Variants in CATSPERT observed in about 807,000 individuals in gnomAD.
The protein encoded by CATSPERT is catsper channel auxiliary subunit tau, also known as cation channel sperm-associated targeting subunit tau.
At chr2:201,604,621 A>G in the CATSPERT span, 1 of 1,595,932 alleles carries the variant, frequency 6.3e-7, no homozygotes, top group East Asian at 2.3e-5. Context: ...CACATCCCCA[A>G]ATGGCACCAA....
chr2:201,499,318 G>A, the CATSPERT span, among the ~76,000 whole-genome samples: 1 of 152,150 alleles, frequency 6.6e-6, no homozygotes, highest in Non-Finnish European at 1.5e-5. Context: ...CTCTTTAGCT[G>A]TATGATAATT....
the CATSPERT span, among the ~76,000 whole-genome samples, chr2:201,533,724 T>C: frequency 2.0e-5 from 3 of 152,276 alleles, no homozygotes; most frequent in Admixed American, 6.5e-5. Flanking sequence ...ACTTAGTTAA[T>C]CTCCAAATAT....
the CATSPERT span, chr2:201,551,118 G>A: frequency 6.6e-6 from 1 of 152,104 alleles, no homozygotes; most frequent in South Asian, 2.1e-4. Flanking sequence ...TAAATATATT[G>A]GAAAATTGTT....
At chr2:201,536,287 T>C in the CATSPERT span, 1 of 1,606,116 alleles carries the variant, frequency 6.2e-7, no homozygotes, top group Non-Finnish European at 8.5e-7. Flanking sequence ...AAAGTTGGTA[T>C]AGTCAGGCCT....
chr2:201,571,212 C>T, the CATSPERT span, among the ~76,000 whole-genome samples: 1 of 152,084 alleles, frequency 6.6e-6, no homozygotes, highest in Non-Finnish European at 1.5e-5. Context: ...CAACAAATCA[C>T]CAATATCAAA....
chr2:201,513,255 C>G, the CATSPERT span, among the ~76,000 whole-genome samples: 2 of 151,898 alleles, frequency 1.3e-5, no homozygotes, highest in Non-Finnish European at 2.9e-5. Flanking sequence ...AAAACAATCT[C>G]ATAAAAAGTG....
chr2:201,494,233 C>G, the CATSPERT span: 2 of 1,536,588 alleles, frequency 1.3e-6, no homozygotes, highest in Non-Finnish European at 1.7e-6. Context: ...ACTTTTCTCT[C>G]TTGCTTCACT....
At chr2:201,496,563 G>A in the CATSPERT span, among the ~76,000 whole-genome samples, 2 of 152,140 alleles carry the variant, frequency 1.3e-5, no homozygotes, top group Non-Finnish European at 2.9e-5. Context: ...GGCTGGTCTC[G>A]AACTCCTGAC....
At chr2:201,571,794 T>TA in the CATSPERT span, 3 of 619,020 alleles carry the variant, frequency 4.8e-6, no homozygotes, top group Non-Finnish European at 8.4e-6. Context: ...AACAATTCAC[T>TA]ACTCTCTTCA....
the CATSPERT span, among the ~76,000 whole-genome samples, chr2:201,600,720 C>T: frequency 5.3e-4 from 80 of 151,232 alleles, no homozygotes; most frequent in African/African-American, 1.9e-3. Context: ...TTGGACAAAT[C>T]GATGAATCCT....
chr2:201,554,074 T>C, the CATSPERT span: 1 of 152,216 alleles, frequency 6.6e-6, no homozygotes, highest in African/African-American at 2.4e-5. Context: ...TTCTGACTCA[T>C]ATGGTAAGCA....
chr2:201,545,512 T>C, the CATSPERT span: 1 of 1,303,676 alleles, frequency 7.7e-7, no homozygotes. Flanking sequence ...TCAATTATCT[T>C]AATAATAAAA....
chr2:201,587,579 T>C, the CATSPERT span, among the ~76,000 whole-genome samples: 1 of 152,174 alleles, frequency 6.6e-6, no homozygotes, highest in African/African-American at 2.4e-5. Context: ...GAATGTAATG[T>C]GTTTTTCCCT....
chr2:201,491,434 C>G, the CATSPERT span: 1 of 1,537,140 alleles, frequency 6.5e-7, no homozygotes, highest in Non-Finnish European at 8.7e-7. Context: ...GAACTTGGCA[C>G]ATTTTTCACT....
At chr2:201,596,356 A>G in the CATSPERT span, among the ~76,000 whole-genome samples, 2 of 152,342 alleles carry the variant, frequency 1.3e-5, no homozygotes, top group South Asian at 4.1e-4. Flanking sequence ...GTTCTCACTT[A>G]TAGGTGGGAG....
the CATSPERT span, among the ~76,000 whole-genome samples, chr2:201,558,697 G>T: frequency 6.6e-6 from 1 of 152,158 alleles, no homozygotes; most frequent in South Asian, 2.1e-4. Flanking sequence ...TAGCTGCATT[G>T]CCCTGGATTA....
At chr2:201,611,689 T>C in the CATSPERT span, among the ~76,000 whole-genome samples, 4 of 61,898 alleles carry the variant, frequency 6.5e-5, no homozygotes, top group Admixed American at 9.5e-4. Flanking sequence ...AAAAGCACTA[T>C]CAACAGTCAA....
the CATSPERT span, among the ~76,000 whole-genome samples, chr2:201,575,983 A>G: frequency 6.6e-6 from 1 of 152,342 alleles, no homozygotes; most frequent in East Asian, 1.9e-4. Flanking sequence ...GCCAAAGTAC[A>G]AACATAAGGA....
the CATSPERT span, among the ~76,000 whole-genome samples, chr2:201,546,167 T>A: frequency 3.3e-5 from 5 of 152,170 alleles, 1 homozygote; most frequent in South Asian, 6.2e-4. Flanking sequence ...GAATAGTGTA[T>A]TGGTAAATAC....
Sources: allele counts gnomAD v4.1 joint callset (sites outside exome capture counted in the v4.1 genomes callset), GRCh38; gene constraint gnomAD v4.1.1; transcripts MANE v1.5; gene names NCBI Gene and HGNC (gene_info 2026-07-23, HGNC 2026-07-21).